ZNF724: variants seen among roughly 807,000 people sequenced by gnomAD.
ZNF724 encodes the protein zinc finger protein 724, also known as zinc finger protein 724 pseudogene.
Under a neutral mutation model 29.3 loss-of-function variants are expected in ZNF724, and 14 were observed. The observed-to-expected ratio is 0.48, with a 90% CI of 0.32 to 0.75. ZNF724 has a LOEUF of 0.75. ZNF724 is among the 30% of genes least tolerant of loss of function. The probability of loss-of-function intolerance (pLI) is 0.04; values close to 1 mark genes in which losing one functional copy is unlikely to be tolerated. For missense variants in ZNF724, 557 were observed against 571.2 expected (o/e 0.98, Z 0.25); for synonymous variants, 180 against 193.6 (o/e 0.93, Z 0.58).
Position 23,223,385 on chromosome 19 carries a change from C to CA in ZNF724, c.859dup (p.Cys287LeufsTer6). On this transcript the variant is annotated frameshift_variant, in exon 4 of 4. Transcript: ENST00000418100. LOFTEE classifies it high-confidence loss of function. ...TGATGATTGGTTAAAAGCTTTGCCA[C>CA]ATTCTTTACATTTGTAGGCATTCTC... 1 of 771,342 alleles carries CA rather than the reference C, an allele frequency of 1.3e-6. No homozygotes were observed. The highest frequency in any genetic ancestry group is 1.7e-5 in the African/African-American group (1 of 58,970). The allele number at this position is 771,342 out of a possible 1,614,324, so 47.8% of individuals were successfully genotyped here.
intron 1 of ZNF724, among the ~76,000 whole-genome samples, chr19:23,246,666 A>G (rs766109601): frequency 6.6e-6 from 1 of 152,082 alleles, no homozygotes; most frequent in Admixed American, 6.6e-5. Context: ...GGGAAAAAAA[A>G]AAAAGAATTA....
In ZNF724 at chr19:23,223,297, G is replaced by T; in HGVS notation, c.948C>A (p.Gly316=). The T allele has an allele frequency of 1.3e-6, 1 of 783,796 alleles. No individual in the cohort carries two copies. Among genetic ancestry groups the T allele is most frequent in the Non-Finnish European group, 2.3e-6 (1 of 429,546 alleles). 48.6% of individuals were successfully genotyped at this position (783,796 alleles called of 1,614,324 possible). ...GGTTCGAGGATTGGTTAAAAGCTCT[G>T]CCACAATGTTCACATATGTAGGGCT... is the stretch of plus-strand genomic sequence containing the variant. The part of the protein sequence containing the change: ...GEKPYICEHC[G]RAFNQSSNLT... Residue 316 remains glycine (G), a synonymous_variant, in exon 4 of 4, where the codon GGC becomes GGA. Coordinates refer to ENST00000418100, the MANE Select transcript of ZNF724 (RefSeq NM_001355404.2).
intron 1 of ZNF724, among the ~76,000 whole-genome samples, chr19:23,240,054 G>A (rs530045523): frequency 1.3e-5 from 2 of 152,290 alleles, no homozygotes; most frequent in East Asian, 1.9e-4. Context: ...ACTCATGCCT[G>A]TAATCCTAGC....
At chr19:23,233,797 G>GAA (rs34840584) in intron 1 of ZNF724, among the ~76,000 whole-genome samples, 10,497 of 144,074 alleles carry the variant, frequency 0.073, 405 homozygotes, top group Middle Eastern at 0.12. Flanking sequence ...ATGTTTAGCT[G>GAA]AAAAAAAAAA....
At chr19:23,244,776 T>C (rs1475694637) in intron 1 of ZNF724, among the ~76,000 whole-genome samples, 6 of 152,198 alleles carry the variant, frequency 3.9e-5, no homozygotes, top group Non-Finnish European at 8.8e-5. Context: ...ACAAACCCCA[T>C]GGGCCCATTT....
intron 1 of ZNF724, among the ~76,000 whole-genome samples, chr19:23,246,283 T>C (rs2145796241): frequency 6.6e-6 from 1 of 152,232 alleles, no homozygotes; most frequent in South Asian, 2.1e-4. Flanking sequence ...ATAAATACTT[T>C]ATTATCTCCA....
At chr19:23,246,758 T>G (rs1972243981) in intron 1 of ZNF724, among the ~76,000 whole-genome samples, 1 of 152,194 alleles carries the variant, frequency 6.6e-6, no homozygotes. Context: ...TAAGAGGAAC[T>G]GATGTTTTTA....
At position 23,223,216 on chromosome 19, in the gene ZNF724, A is replaced by G. The variant is rs1971756230; in HGVS notation, c.1029T>C (p.Cys343=). The G allele has an allele frequency of 1.0e-6, 1 of 998,700 alleles. No homozygotes were observed. The highest frequency in any genetic ancestry group is 1.7e-5 in the Admixed American group (1 of 58,068). 61.9% of individuals were successfully genotyped at this position (998,700 alleles called of 1,614,324 possible). A position where few individuals can be genotyped will look rare whatever the true frequency, so the allele number is the denominator to read the frequency against. The change falls in exon 4 of 4, where the codon TGT becomes TGC. Residue 343 remains cysteine, a synonymous_variant. Coordinates refer to ENST00000418100, the MANE Select transcript of ZNF724 (RefSeq NM_001355404.2). ...TTGAGGACACATTAAAGGCTTTGCCACATTCTTCACATTTATAAGGTTTAT... is the reference window on the plus strand; with the variant it reads ...TTGAGGACACATTAAAGGCTTTGCCGCATTCTTCACATTTATAAGGTTTAT... ...TGDKPYKCEE[C]GKAFNVSSTL... is the part of the protein sequence containing the mutation.
chr19:23,240,318 A>G (rs944877653), intron 1 of ZNF724, among the ~76,000 whole-genome samples: 2 of 152,006 alleles, frequency 1.3e-5, no homozygotes, highest in African/African-American at 4.8e-5. Flanking sequence ...ACAAAACCCA[A>G]AAAGGATGAA....
intron 3 of ZNF724, among the ~76,000 whole-genome samples, chr19:23,228,187 C>T (rs148500506): frequency 4.6e-5 from 7 of 152,238 alleles, no homozygotes; most frequent in Admixed American, 3.9e-4. Flanking sequence ...TGGTGGCTCA[C>T]GCCTGTAATT....
At chr19:23,248,917 C>T (rs1279414194) in intron 1 of ZNF724, among the ~76,000 whole-genome samples, 5 of 152,074 alleles carry the variant, frequency 3.3e-5, no homozygotes, top group African/African-American at 1.2e-4. Context: ...ATCACTTGAA[C>T]CCGGGAGGTG....
chr19:23,242,738 A>G (rs1972151485), intron 1 of ZNF724: 1 of 144,796 alleles, frequency 6.9e-6, no homozygotes, highest in African/African-American at 2.5e-5. Flanking sequence ...AATAATAATA[A>G]TAATAATAAT....
Position 23,250,259 on chromosome 19 carries a change from G to A in ZNF724, c.-17C>T, listed in dbSNP as rs774412752. 1 of 686,356 alleles carries A rather than the reference G, an allele frequency of 1.5e-6. No homozygotes were observed. The allele number at this position is 686,356 out of a possible 1,614,324, so 42.5% of individuals were successfully genotyped here. A position where few individuals can be genotyped will look rare whatever the true frequency, so the allele number is the denominator to read the frequency against. On this transcript the variant is annotated 5_prime_UTR_variant, in exon 1 of 4. Coordinates refer to ENST00000418100, the MANE Select transcript of ZNF724 (RefSeq NM_001355404.2). The stretch of plus-strand genomic sequence containing the variant: ...TCTCACCATTTCTAGGCTTCCAGGG[G>A]AGGCCCTGGCGTCTTAGCTGTGGAT...
At chr19:23,230,371 A>C (rs1305652155) in intron 3 of ZNF724, among the ~76,000 whole-genome samples, 1 of 152,180 alleles carries the variant, frequency 6.6e-6, no homozygotes, top group African/African-American at 2.4e-5. Flanking sequence ...AGTAATGAAA[A>C]ACACAATCAT....
At chr19:23,237,161 C>T (rs991019183) in intron 1 of ZNF724, among the ~76,000 whole-genome samples, 1 of 152,068 alleles carries the variant, frequency 6.6e-6, no homozygotes. Context: ...CCTTCACCAA[C>T]GTTTTTTGAT....
At chr19:23,237,521 T>C (rs937341615) in intron 1 of ZNF724, among the ~76,000 whole-genome samples, 2 of 152,058 alleles carry the variant, frequency 1.3e-5, no homozygotes, top group African/African-American at 2.4e-5. Context: ...TAATACTTTA[T>C]ATTTCAAAAG....
intron 1 of ZNF724, among the ~76,000 whole-genome samples, chr19:23,233,232 T>G (rs982772132): frequency 2.0e-5 from 3 of 152,194 alleles, no homozygotes. Flanking sequence ...TACAGGAATC[T>G]TCTATTCAAG....
chr19:23,246,300 A>G (rs943654235), intron 1 of ZNF724, among the ~76,000 whole-genome samples: 10 of 151,742 alleles, frequency 6.6e-5, no homozygotes, highest in African/African-American at 2.4e-4. Flanking sequence ...TCCATTATAA[A>G]TCATGTAGTA....
chr19:23,246,454 A>G (rs1019125935), intron 1 of ZNF724, among the ~76,000 whole-genome samples: 1 of 152,074 alleles, frequency 6.6e-6, no homozygotes, highest in Non-Finnish European at 1.5e-5. Context: ...CAGGAGTTCA[A>G]GAACAGCCTG....
Sources: allele counts gnomAD v4.1 joint callset (sites outside exome capture counted in the v4.1 genomes callset), GRCh38; gene constraint gnomAD v4.1.1; transcripts MANE v1.5; gene names NCBI Gene and HGNC (gene_info 2026-07-23, HGNC 2026-07-21).